Variants in CYP2C18 observed in about 807,000 individuals in gnomAD.
CYP2C18 encodes the protein cytochrome P450 2C18.
In CYP2C18, 38 loss-of-function variants were observed where a neutral mutation model predicts 41.3. The ratio of observed to expected loss-of-function variants is 0.92; its 90% confidence interval spans 0.71 to 1.21. The LOEUF (loss-of-function observed/expected upper bound fraction) is 1.21. Among genes scored for constraint, CYP2C18 ranks in the 50% most tolerant of loss-of-function variants. The pLI, the probability that CYP2C18 is intolerant of heterozygous loss-of-function variation, is 0.00. For synonymous variants in CYP2C18, 236 were observed against 210.0 expected (o/e 1.12, Z -1.07); for missense variants, 635 against 591.4 (o/e 1.07, Z -0.77).
chr10:94,708,140 G>T (rs1216697943), intron 5 of CYP2C18, among the ~76,000 whole-genome samples: 2 of 152,192 alleles, frequency 1.3e-5, no homozygotes, highest in Non-Finnish European at 2.9e-5. Flanking sequence ...CAGAGTCAAA[G>T]ATGCTGATGA....
intron 4 of CYP2C18, among the ~76,000 whole-genome samples, chr10:94,702,427 C>T (rs948640697): frequency 1.1e-4 from 16 of 151,856 alleles, no homozygotes; most frequent in African/African-American, 1.9e-4. Context: ...AGGCTTTGTT[C>T]GCTCCTTTTC....
intron 3 of CYP2C18, among the ~76,000 whole-genome samples, chr10:94,692,691 A>G (rs1275630523): frequency 1.1e-4 from 16 of 152,210 alleles, no homozygotes; most frequent in Admixed American, 6.5e-5. Context: ...AAAGGATTAT[A>G]AATTATGCTG....
intron 5 of CYP2C18, among the ~76,000 whole-genome samples, chr10:94,715,907 C>G (rs1467411129): frequency 6.6e-6 from 1 of 152,020 alleles, no homozygotes; most frequent in Admixed American, 6.6e-5. Flanking sequence ...CTGGTTTAGT[C>G]TTGGGAGAGT....
At chr10:94,730,307 A>G (rs1326956746) in intron 7 of CYP2C18, among the ~76,000 whole-genome samples, 7 of 152,186 alleles carry the variant, frequency 4.6e-5, no homozygotes, top group Non-Finnish European at 1.0e-4. Context: ...TTTCCAAATA[A>G]TGTTTTTTAA....
At chr10:94,709,972 C>G (rs571118374) in intron 5 of CYP2C18, among the ~76,000 whole-genome samples, 23 of 152,064 alleles carry the variant, frequency 1.5e-4, no homozygotes, top group African/African-American at 5.3e-4. Flanking sequence ...TTCTTTATGC[C>G]AGTATGACAG....
intron 6 of CYP2C18, among the ~76,000 whole-genome samples, chr10:94,722,504 T>G (rs550148572): frequency 3.5e-4 from 53 of 152,024 alleles, no homozygotes; most frequent in Admixed American, 6.6e-4. Flanking sequence ...AGAGAGCAGA[T>G]AGAAGGATGA....
chr10:94,698,163 A>T (rs967886897), intron 4 of CYP2C18, among the ~76,000 whole-genome samples: 6 of 152,160 alleles, frequency 3.9e-5, no homozygotes, highest in Non-Finnish European at 8.8e-5. Context: ...TCCACCCCAA[A>T]TCAACAGAAT....
In CYP2C18 at chr10:94,690,405, C is replaced by G. The variant is rs542680899; in HGVS notation, c.481+2131C>G. Reference sequence around the variant, plus strand: ...CTACCAACAGAGAATACTATAAACACCTCTATGCAAATAAACTAGGAAATC... The same window carrying G: ...CTACCAACAGAGAATACTATAAACAGCTCTATGCAAATAAACTAGGAAATC... On this transcript the variant is annotated intron_variant, in intron 3 of 8. Transcript: ENST00000285979. Among the ~76,000 whole-genome samples, 9 of 152,230 alleles carry G rather than the reference C, an allele frequency of 5.9e-5. No homozygotes were observed. The South Asian group carries it at 1.2e-3, about 21-fold the overall frequency.
intron 5 of CYP2C18, among the ~76,000 whole-genome samples, chr10:94,710,074 A>G (rs1847410433): frequency 6.6e-6 from 1 of 151,914 alleles, no homozygotes; most frequent in Non-Finnish European, 1.5e-5. Flanking sequence ...GGCTCAGGTG[A>G]TTCTCCCACC....
intron 3 of CYP2C18, 84 bp downstream of exon 3, chr10:94,688,358 T>A: frequency 6.8e-7 from 1 of 1,460,342 alleles, no homozygotes; most frequent in Non-Finnish European, 9.2e-7. Flanking sequence ...CTTTTATGCA[T>A]ATTTATGGGG....
intron 3 of CYP2C18, among the ~76,000 whole-genome samples, chr10:94,693,548 T>C (rs1386201794): frequency 6.6e-6 from 1 of 152,182 alleles, no homozygotes. Flanking sequence ...AGATTTTCAC[T>C]ACATCATGTT....
At chr10:94,733,732 T>G in intron 8 of CYP2C18, 1 of 309,246 alleles carries the variant, frequency 3.2e-6, no homozygotes, top group Non-Finnish European at 4.7e-6. Context: ...TCTTAATGGG[T>G]GAAACTTATT....
At chr10:94,686,094 A>C (rs1316822192) in intron 1 of CYP2C18, among the ~76,000 whole-genome samples, 1 of 152,086 alleles carries the variant, frequency 6.6e-6, no homozygotes, top group East Asian at 1.9e-4. Flanking sequence ...TTTTCAGTAT[A>C]TAGATCTTTC....
intron 4 of CYP2C18, among the ~76,000 whole-genome samples, chr10:94,702,335 C>T (rs7090811): frequency 0.025 from 3,841 of 152,240 alleles, 148 homozygotes; most frequent in African/African-American, 0.075. Flanking sequence ...TGTTTTCCAA[C>T]TTGGTTCCAT....
rs768706552 is a variant in CYP2C18 at position 94,733,482 on chromosome 10, C to G, written c.1291+44C>G. The G allele has an allele frequency of 2.2e-5, 35 of 1,607,444 alleles. No homozygotes were observed. In the Middle Eastern group the frequency reaches 5.0e-4, roughly 23 times the overall value. On this transcript the variant is annotated intron_variant, in intron 8 of 8. Coordinates refer to ENST00000285979, the MANE Select transcript of CYP2C18 (RefSeq NM_000772.3). ...CATCTGTCCTTCAGGGCACATGATA[C>G]CTTTTTGGGATCAGTTGACTCTTAC...
chr10:94,694,463 A>G (rs1350176922), intron 3 of CYP2C18, among the ~76,000 whole-genome samples: 3 of 152,124 alleles, frequency 2.0e-5, no homozygotes, highest in African/African-American at 7.2e-5. Context: ...CTGGTACTAC[A>G]CACAGTTACT....
At chr10:94,728,646 A>G in intron 7 of CYP2C18, 1 of 961,128 alleles carries the variant, frequency 1.0e-6, no homozygotes, top group Non-Finnish European at 1.2e-6. Context: ...AATAAATTTT[A>G]GTGTACTTGT....
chr10:94,735,421 C>T lies in CYP2C18; in HGVS notation c.1450C>T (p.Gln484Ter), dbSNP rs760296935. ...ATTTGGTCGTGTGCCACCCTTGTAC[C>T]AGCTCTGCTTCATTCCTGTCTGAAG... Reference protein sequence around the residue: ...NAFGRVPPLYQLCFIPV With the variant: ...NAFGRVPPLY The change falls in exon 9 of 9, where the codon CAG (glutamine) becomes TAG (stop). Residue 484 changes from glutamine (Q) to a stop codon, truncating the protein, a stop_gained. Coordinates refer to ENST00000285979, the MANE Select transcript of CYP2C18 (RefSeq NM_000772.3). LOFTEE classifies it high-confidence loss of function. 1 of 1,613,588 alleles carries T rather than the reference C, an allele frequency of 6.2e-7. No homozygotes were observed. The highest frequency in any genetic ancestry group is 8.5e-7 in the Non-Finnish European group (1 of 1,179,626).
chr10:94,723,848 G>C (rs186289999), intron 6 of CYP2C18, among the ~76,000 whole-genome samples: 2 of 152,242 alleles, frequency 1.3e-5, no homozygotes, highest in Admixed American at 1.3e-4. Flanking sequence ...GAAACTTCTA[G>C]AATGTTTCAA....
Sources: allele counts gnomAD v4.1 joint callset (sites outside exome capture counted in the v4.1 genomes callset), GRCh38; gene constraint gnomAD v4.1.1; transcripts MANE v1.5; gene names NCBI Gene and HGNC (gene_info 2026-07-23, HGNC 2026-07-21).